Variants in FRMD3 observed in about 807,000 individuals in gnomAD.
FRMD3 encodes FERM domain containing 3.
FRMD3 carries 33 observed loss-of-function variants against 70.2 expected under a neutral mutation model. The observed-to-expected ratio is 0.47, with a 90% CI of 0.36 to 0.63. The LOEUF is 0.63. FRMD3 is among the 20% of genes least tolerant of loss of function. The pLI is 0.00. For synonymous variants in FRMD3, 279 were observed against 255.9 expected (o/e 1.09, Z -0.86); for missense variants, 632 against 711.4 (o/e 0.89, Z 1.27).
At chr9:83,384,047 G>C (rs1825438277) in intron 2 of FRMD3, among the ~76,000 whole-genome samples, 1 of 152,156 alleles carries the variant, frequency 6.6e-6, no homozygotes, top group Non-Finnish European at 1.5e-5. Context: ...CCATTTTCAA[G>C]TTATCACGAT....
intron 1 of FRMD3, among the ~76,000 whole-genome samples, chr9:83,417,290 T>C (rs916109765): frequency 1.2e-4 from 18 of 152,146 alleles, no homozygotes; most frequent in Admixed American, 1.0e-3. Context: ...GTGCTAAAAA[T>C]AAAACAGTAA....
At chr9:83,357,177 ACAT>A (rs1308295889) in intron 3 of FRMD3, among the ~76,000 whole-genome samples, 2 of 120,228 alleles carry the variant, frequency 1.7e-5, no homozygotes, top group African/African-American at 3.1e-5. Flanking sequence ...TATATATATT[ACAT>A]TATATATATT....
intron 13 of FRMD3, among the ~76,000 whole-genome samples, chr9:83,253,166 AGTCT>A (rs1832510459): frequency 6.6e-6 from 1 of 152,178 alleles, no homozygotes; most frequent in Non-Finnish European, 1.5e-5. Flanking sequence ...AAATCGTAAC[AGTCT>A]GTCAGCCCAC....
chr9:83,394,394 G>A (rs1376163599), intron 1 of FRMD3, among the ~76,000 whole-genome samples: 1 of 152,084 alleles, frequency 6.6e-6, no homozygotes, highest in Non-Finnish European at 1.5e-5. Context: ...GGGTAAGAGT[G>A]GGCTAACCCT....
At chr9:83,528,855 C>A in intron 1 of FRMD3, among the ~76,000 whole-genome samples, 1 of 152,060 alleles carries the variant, frequency 6.6e-6, no homozygotes, top group Middle Eastern at 3.2e-3. Context: ...CCTCAAAACT[C>A]CTTTACCTAC....
At chr9:83,302,396 G>GAA (rs2131021705) in intron 10 of FRMD3, among the ~76,000 whole-genome samples, 1 of 152,300 alleles carries the variant, frequency 6.6e-6, no homozygotes, top group South Asian at 2.1e-4. Context: ...TGAAAGAACA[G>GAA]TGGTCCAGAT....
chr9:83,474,374 T>C (rs562194056), intron 1 of FRMD3, among the ~76,000 whole-genome samples: 1 of 152,284 alleles, frequency 6.6e-6, no homozygotes, highest in East Asian at 1.9e-4. Flanking sequence ...CTACATCTGA[T>C]AACATCAATA....
At chr9:83,268,179 G>C (rs1259210188) in intron 13 of FRMD3, among the ~76,000 whole-genome samples, 1 of 152,132 alleles carries the variant, frequency 6.6e-6, no homozygotes, top group East Asian at 1.9e-4. Context: ...ATTTCAACAC[G>C]CCTGCATACA....
intron 13 of FRMD3, among the ~76,000 whole-genome samples, chr9:83,289,090 A>C (rs1465498747): frequency 6.6e-6 from 1 of 152,220 alleles, no homozygotes; most frequent in Non-Finnish European, 1.5e-5. Flanking sequence ...CATGACCTTC[A>C]GAAAAAATGA....
At chr9:83,512,202 T>C (rs1341390401) in intron 1 of FRMD3, among the ~76,000 whole-genome samples, 1 of 152,162 alleles carries the variant, frequency 6.6e-6, no homozygotes, top group Non-Finnish European at 1.5e-5. Context: ...CTATTATTAT[T>C]ATTTGGTAAA....
intron 1 of FRMD3, among the ~76,000 whole-genome samples, chr9:83,436,072 G>A (rs978762188): frequency 1.3e-5 from 2 of 152,108 alleles, no homozygotes; most frequent in Non-Finnish European, 2.9e-5. Flanking sequence ...CTCCCTAGCA[G>A]CCCCACACAA....
At chr9:83,306,703 G>A (rs1467051258) in intron 10 of FRMD3, among the ~76,000 whole-genome samples, 4 of 151,732 alleles carry the variant, frequency 2.6e-5, no homozygotes, top group African/African-American at 9.7e-5. Flanking sequence ...TTCAATGCCT[G>A]AGATCTTCAG....
At chr9:83,344,724 C>A (rs1823892277) in intron 4 of FRMD3, among the ~76,000 whole-genome samples, 1 of 152,090 alleles carries the variant, frequency 6.6e-6, no homozygotes. Context: ...TTACAGACAG[C>A]AGATCATGGA....
intron 1 of FRMD3, among the ~76,000 whole-genome samples, chr9:83,514,377 C>T (rs1829407555): frequency 6.6e-6 from 1 of 152,192 alleles, no homozygotes. Flanking sequence ...CCCACCGAAG[C>T]TCAGCAAAGC....
chr9:83,441,195 T>A (rs1437069613), intron 1 of FRMD3, among the ~76,000 whole-genome samples: 2 of 152,190 alleles, frequency 1.3e-5, no homozygotes, highest in Non-Finnish European at 2.9e-5. Flanking sequence ...CACTGCAGCA[T>A]CACCTATCCC....
chr9:83,420,212 T>C (rs1410012125), intron 1 of FRMD3, among the ~76,000 whole-genome samples: 1 of 152,164 alleles, frequency 6.6e-6, no homozygotes, highest in Non-Finnish European at 1.5e-5. Context: ...GAGAGCCTCA[T>C]GGATGATGAT....
Position 83,335,595 on chromosome 9 carries a change from T to A in FRMD3, c.517A>T (p.Ile173Phe), listed in dbSNP as rs111374752. The A allele has an allele frequency of 3.5e-5, 57 of 1,613,242 alleles. No homozygotes were observed. Among genetic ancestry groups the A allele is most frequent in the Non-Finnish European group, 4.6e-5 (54 of 1,179,294 alleles). The change falls in exon 6 of 14, where the codon ATC becomes TTC. Residue 173 changes from isoleucine (I) to phenylalanine (F), a missense_variant. Around this residue, in one of 3 missense-constraint regions of FRMD3, gnomAD observed 208 missense variants for 247.7 expected, o/e 0.84. Transcript: ENST00000304195. ...TTGGGGAAAATCTCAAACTCACTGA[T>A]GTAATTCTCAGGATGCTCATCAGGA... is the stretch of plus-strand genomic sequence containing the variant. ...YDPDEHPENY[I>F]SEFEIFPKQS...
chr9:83,523,556 C>A (rs543270454), intron 1 of FRMD3, among the ~76,000 whole-genome samples: 1 of 152,324 alleles, frequency 6.6e-6, no homozygotes, highest in East Asian at 1.9e-4. Context: ...AAAAAGTAAT[C>A]TTTAACAATA....
At position 83,376,236 on chromosome 9, in the gene FRMD3, A is replaced by T. The variant is rs560655362; in HGVS notation, c.253-3281T>A. Among the ~76,000 whole-genome samples the T allele has an allele frequency of 7.2e-5, 11 of 152,014 alleles. No homozygotes were observed. The South Asian group carries it at 2.3e-3, about 32-fold the overall frequency. On this transcript the variant is annotated intron_variant, in intron 2 of 13. Coordinates refer to ENST00000304195, the MANE Select transcript of FRMD3 (RefSeq NM_174938.6). Reference sequence around the variant, plus strand: ...CAGTAAGTTCTTTATTCTCCAACTTACCCATGTGGACAAAGAGGTACCCAA... The same window carrying T: ...CAGTAAGTTCTTTATTCTCCAACTTTCCCATGTGGACAAAGAGGTACCCAA...
Sources: allele counts gnomAD v4.1 joint callset (sites outside exome capture counted in the v4.1 genomes callset), GRCh38; gene constraint gnomAD v4.1.1; regional missense constraint gnomAD v4.1.1; transcripts MANE v1.5; gene names NCBI Gene and HGNC (gene_info 2026-07-23, HGNC 2026-07-21).